The following MARCHF8 variants were observed in gnomAD, a reference collection of about 807,000 sequenced individuals.
MARCHF8 encodes the protein E3 ubiquitin-protein ligase MARCHF8.
Under a neutral mutation model 51.6 loss-of-function variants are expected in MARCHF8, and 40 were observed. That is an observed-to-expected ratio of 0.77 (90% CI 0.60 to 1.01). The LOEUF is 1.01. Ranked by LOEUF, MARCHF8 falls within the 50% of genes least tolerant of loss-of-function variation. The pLI is 0.00. For missense variants in MARCHF8, 685 were observed against 708.6 expected (o/e 0.97, Z 0.38); for synonymous variants, 263 against 280.3 (o/e 0.94, Z 0.62).
intron 3 of MARCHF8, among the ~76,000 whole-genome samples, chr10:45,468,256 T>C (rs1157306999): frequency 6.6e-6 from 1 of 152,220 alleles, no homozygotes; most frequent in South Asian, 2.1e-4. Context: ...GGCATTCCCC[T>C]TTTCTCAGTT....
At chr10:45,554,834 T>C (rs1316141226) in intron 1 of MARCHF8, among the ~76,000 whole-genome samples, 2 of 152,156 alleles carry the variant, frequency 1.3e-5, no homozygotes, top group Admixed American at 6.5e-5. Context: ...ACTAGCGGAT[T>C]GCCTGAGGTC....
intron 1 of MARCHF8, among the ~76,000 whole-genome samples, chr10:45,541,583 T>G (rs981607308): frequency 7.9e-5 from 12 of 151,932 alleles, no homozygotes; most frequent in African/African-American, 2.9e-4. Flanking sequence ...AATAAAATTT[T>G]AAAAAAATGC....
chr10:45,473,501 A>G (rs1399209725), intron 3 of MARCHF8, among the ~76,000 whole-genome samples: 1 of 152,206 alleles, frequency 6.6e-6, no homozygotes, highest in Non-Finnish European at 1.5e-5. Flanking sequence ...CACCTGGACC[A>G]AGTTTGATTC....
chr10:45,524,093 A>C (rs1389207700), intron 2 of MARCHF8, among the ~76,000 whole-genome samples: 1 of 152,228 alleles, frequency 6.6e-6, no homozygotes. Context: ...AGCTTCAAAA[A>C]TCTATATATG....
intron 2 of MARCHF8, among the ~76,000 whole-genome samples, chr10:45,518,319 A>G (rs2043652498): frequency 6.6e-6 from 1 of 152,198 alleles, no homozygotes; most frequent in South Asian, 2.1e-4. Context: ...CAGTACAGAA[A>G]AGAGAGCTCC....
chr10:45,546,064 T>C (rs2044116566), intron 1 of MARCHF8, among the ~76,000 whole-genome samples: 1 of 152,348 alleles, frequency 6.6e-6, no homozygotes, highest in Middle Eastern at 3.4e-3. Flanking sequence ...AATTTTGTTA[T>C]TTGGGCTTGG....
At chr10:45,527,537 C>T (rs1245254762) in intron 2 of MARCHF8, among the ~76,000 whole-genome samples, 3 of 152,052 alleles carry the variant, frequency 2.0e-5, no homozygotes, top group Admixed American at 2.0e-4. Context: ...CCTAAAGACA[C>T]ACAACCTCTC....
chr10:45,467,688 G>A (rs1843013746), intron 3 of MARCHF8, among the ~76,000 whole-genome samples: 1 of 151,984 alleles, frequency 6.6e-6, no homozygotes, highest in Non-Finnish European at 1.5e-5. Flanking sequence ...GATGGGACAG[G>A]ACCTCACTAG....
At chr10:45,512,363 C>T (rs1299242450) in intron 2 of MARCHF8, among the ~76,000 whole-genome samples, 6 of 150,788 alleles carry the variant, frequency 4.0e-5, no homozygotes, top group East Asian at 2.0e-4. Context: ...GGTCAGCCCC[C>T]GCCAGGCCAG....
chr10:45,512,061 G>A (rs868486687), intron 2 of MARCHF8, among the ~76,000 whole-genome samples: 37 of 149,818 alleles, frequency 2.5e-4, no homozygotes, highest in African/African-American at 5.4e-4. Flanking sequence ...CTGCCCGGCC[G>A]CCCATCGCCT....
chr10:45,542,068 G>A (rs758853287), intron 1 of MARCHF8, among the ~76,000 whole-genome samples: 4 of 152,078 alleles, frequency 2.6e-5, no homozygotes, highest in South Asian at 2.1e-4. Flanking sequence ...CTCCTAGGCC[G>A]GGCGCAGTGG....
Position 45,568,277 on chromosome 10 carries a change from G to A in MARCHF8, c.-79+25958C>T, listed in dbSNP as rs747051917. ...TACCCTTTATATCCTTGTCTTGTCTGACTGCTCTAGCTAGGACTTCTAGTA... is the reference window on the plus strand; with the variant it reads ...TACCCTTTATATCCTTGTCTTGTCTAACTGCTCTAGCTAGGACTTCTAGTA... On this transcript the variant is annotated intron_variant, in intron 1 of 6. Coordinates refer to the MARCHF8 transcript ENST00000319836. Among the ~76,000 whole-genome samples, 18 of 152,230 alleles carry A rather than the reference G, an allele frequency of 1.2e-4. No individual in the cohort carries two copies. In the South Asian group the frequency reaches 3.3e-3, roughly 28 times the overall value.
chr10:45,509,722 T>C (rs920674103), intron 2 of MARCHF8, among the ~76,000 whole-genome samples: 11 of 152,238 alleles, frequency 7.2e-5, no homozygotes, highest in Admixed American at 7.2e-4. Context: ...TGCAGGTGAG[T>C]AAGAAAAGCC....
At chr10:45,573,822 T>G (rs1374345057) in intron 1 of MARCHF8, among the ~76,000 whole-genome samples, 1 of 152,204 alleles carries the variant, frequency 6.6e-6, no homozygotes, top group African/African-American at 2.4e-5. Flanking sequence ...AGGGCCTGTT[T>G]CCTTTGCCTC....
intron 3 of MARCHF8, among the ~76,000 whole-genome samples, chr10:45,480,560 C>T (rs1333271511): frequency 3.3e-5 from 5 of 152,198 alleles, no homozygotes; most frequent in Non-Finnish European, 5.9e-5. Flanking sequence ...GCATCCCAGC[C>T]ACTCTAACCA....
Position 45,457,972 on chromosome 10 carries a change from G to A in MARCHF8, c.*267C>T. On this transcript the variant is annotated 3_prime_UTR_variant, in exon 8 of 8. Transcript: ENST00000453424. ...TCTCTCATTCAGCTCAAGACCATGG[G>A]CAGGAACTCTGCTGGCTCCCCATGA... is the stretch of plus-strand genomic sequence containing the variant. 1 of 459,988 alleles carries A rather than the reference G, an allele frequency of 2.2e-6. No individual in the cohort carries two copies. Among genetic ancestry groups the A allele is most frequent in the South Asian group, 4.3e-5 (1 of 23,038 alleles). 28.5% of individuals were successfully genotyped at this position (459,988 alleles called of 1,614,324 possible).
intron 3 of MARCHF8, among the ~76,000 whole-genome samples, chr10:45,469,627 G>A (rs1039285975): frequency 1.2e-3 from 188 of 152,000 alleles, no homozygotes; most frequent in Non-Finnish European, 1.1e-3. Flanking sequence ...GCACTTTGGG[G>A]GGCCGAGGCG....
intron 1 of MARCHF8, among the ~76,000 whole-genome samples, chr10:45,554,140 A>G (rs2044226527): frequency 6.6e-6 from 1 of 152,226 alleles, no homozygotes; most frequent in African/African-American, 2.4e-5. Flanking sequence ...CTATCCTAAA[A>G]ATGAAAAGAA....
At chr10:45,501,721 A>G (rs192130429) in intron 2 of MARCHF8, among the ~76,000 whole-genome samples, 3 of 152,274 alleles carry the variant, frequency 2.0e-5, no homozygotes, top group Admixed American at 2.0e-4. Flanking sequence ...AGCCTGGGGG[A>G]AAATATTTGC....
Sources: allele counts gnomAD v4.1 joint callset (sites outside exome capture counted in the v4.1 genomes callset), GRCh38; gene constraint gnomAD v4.1.1; transcripts MANE v1.5; gene names NCBI Gene and HGNC (gene_info 2026-07-23, HGNC 2026-07-21).